Variants in COTL1 observed in about 807,000 individuals in gnomAD.
The protein encoded by COTL1 is coactosin like F-actin binding protein 1.
Under a neutral mutation model 16.5 loss-of-function variants are expected in COTL1, and 15 were observed. That is an observed-to-expected ratio of 0.91 (90% CI 0.61 to 1.40). The LOEUF (loss-of-function observed/expected upper bound fraction) is 1.40, where lower values mean the gene tolerates loss of function less well. Among genes scored for constraint, COTL1 ranks in the 40% most tolerant of loss-of-function variants. The probability of loss-of-function intolerance (pLI) is 0.00; values close to 1 mark genes in which losing one functional copy is unlikely to be tolerated. For synonymous variants in COTL1, 112 were observed against 85.3 expected (o/e 1.31, Z -1.73); for missense variants, 220 against 201.5 (o/e 1.09, Z -0.56).
At chr16:84,570,875 T>A (rs1484921037) in intron 3 of COTL1, among the ~76,000 whole-genome samples, 1 of 152,008 alleles carries the variant, frequency 6.6e-6, no homozygotes, top group East Asian at 1.9e-4. Context: ...CTAAAAGTCC[T>A]GTATTCCTAT....
At chr16:84,575,731 T>A (rs548616880) in intron 3 of COTL1, 2 of 152,246 alleles carry the variant, frequency 1.3e-5, no homozygotes, top group South Asian at 4.2e-4. Context: ...CCAGGCCAAA[T>A]ACAAACAGGC....
intron 2 of COTL1, among the ~76,000 whole-genome samples, chr16:84,603,207 C>G (rs1042515770): frequency 2.0e-5 from 3 of 152,196 alleles, no homozygotes; most frequent in African/African-American, 7.2e-5. Flanking sequence ...TAACAACACT[C>G]CAGCCCGCAA....
chr16:84,584,983 T>C (rs777040087), intron 3 of COTL1, among the ~76,000 whole-genome samples: 14 of 152,068 alleles, frequency 9.2e-5, no homozygotes, highest in Non-Finnish European at 1.6e-4. Flanking sequence ...CTTGGCAAAG[T>C]AAAATAAGGT....
At position 84,617,846 on chromosome 16, in the gene COTL1, G is replaced by T. The variant is rs144159131; in HGVS notation, c.69C>A (p.Ala23=). Residue 23 remains alanine, a synonymous_variant, in exon 1 of 4, where the codon GCC becomes GCA. Transcript: ENST00000262428. The part of the protein sequence containing the change: ...AYNLVRDDGS[A]VIWVTFKYDG... Reference sequence around the variant, plus strand: ...GAATGAAAAGTTCCTACCAGATGACGGCCGAGCCGTCGTCGCGCACCAGGT... The same window carrying T: ...GAATGAAAAGTTCCTACCAGATGACTGCCGAGCCGTCGTCGCGCACCAGGT... 1.7e-5 allele frequency: 26 copies of T among 1,572,790 alleles called. No homozygotes were observed. The highest frequency in any genetic ancestry group is 2.7e-5 in the African/African-American group (2 of 73,966).
intron 3 of COTL1, among the ~76,000 whole-genome samples, chr16:84,574,648 C>T (rs1422189954): frequency 2.0e-5 from 3 of 152,090 alleles, no homozygotes; most frequent in Admixed American, 2.0e-4. Context: ...TGCAATAGTG[C>T]GATCGGCTCA....
intron 2 of COTL1, chr16:84,595,603 C>A (rs1410182835): frequency 6.6e-6 from 1 of 152,222 alleles, no homozygotes; most frequent in Admixed American, 6.5e-5. Context: ...CCCACATCAG[C>A]AGTGGGGAGC....
intron 2 of COTL1, among the ~76,000 whole-genome samples, chr16:84,613,094 G>A (rs1905374651): frequency 6.6e-6 from 1 of 151,052 alleles, no homozygotes; most frequent in African/African-American, 2.4e-5. Flanking sequence ...TCTGCCTCCT[G>A]GGTTCAAGTG....
chr16:84,576,397 A>C (rs894852136), intron 3 of COTL1: 3 of 152,188 alleles, frequency 2.0e-5, no homozygotes, highest in Non-Finnish European at 4.4e-5. Flanking sequence ...AGAGGAACTG[A>C]TCTTCATTGT....
chr16:84,576,682 G>A (rs1049222903), intron 3 of COTL1: 1 of 152,232 alleles, frequency 6.6e-6, no homozygotes, highest in Non-Finnish European at 1.5e-5. Flanking sequence ...GTCATCCAGG[G>A]ATCCTACACC....
At chr16:84,612,431 G>C (rs1025117477) in intron 2 of COTL1, among the ~76,000 whole-genome samples, 1 of 152,172 alleles carries the variant, frequency 6.6e-6, no homozygotes, top group African/African-American at 2.4e-5. Context: ...GTGGGGACGT[G>C]TACTGAAAGC....
intron 2 of COTL1, among the ~76,000 whole-genome samples, chr16:84,591,108 G>GT (rs769535305): frequency 6.6e-6 from 1 of 150,674 alleles, no homozygotes; most frequent in Non-Finnish European, 1.5e-5. Context: ...TTTAAAATTT[G>GT]TTTCACAATC....
intron 2 of COTL1, among the ~76,000 whole-genome samples, chr16:84,593,731 C>A (rs112224291): frequency 0.22 from 32,859 of 151,966 alleles, 3,724 homozygotes; most frequent in Middle Eastern, 0.31. Context: ...GATCTCCTGA[C>A]CTCGTGATCC....
At chr16:84,599,322 G>A (rs1434141612) in intron 2 of COTL1, among the ~76,000 whole-genome samples, 1 of 152,236 alleles carries the variant, frequency 6.6e-6, no homozygotes, top group East Asian at 1.9e-4. Flanking sequence ...CGAGCACTGT[G>A]TAACTTTCTT....
intron 3 of COTL1, chr16:84,576,852 C>A (rs1328976379): frequency 6.6e-6 from 1 of 152,312 alleles, no homozygotes; most frequent in Non-Finnish European, 1.5e-5. Context: ...CAAACCCTCA[C>A]AACACGGTGT....
Position 84,566,812 on chromosome 16 carries a change from C to T in COTL1, c.*33G>A, listed in dbSNP as rs1904300548. The T allele has an allele frequency of 1.3e-6, 2 of 1,490,256 alleles. No homozygotes were observed. The highest frequency in any genetic ancestry group is 1.4e-5 in the African/African-American group (1 of 72,364). The allele number at this position is 1,490,256 out of a possible 1,614,324, so 92.3% of individuals were successfully genotyped here. A position where few individuals can be genotyped will look rare whatever the true frequency, so the allele number is the denominator to read the frequency against. The stretch of plus-strand genomic sequence containing the variant: ...TCTCCCCCGGGGAGCAGGCAGATGA[C>T]TTTGGCAAGGGGTGGTGTGGCGGGG... On this transcript the variant is annotated 3_prime_UTR_variant, in exon 4 of 4. Transcript: ENST00000262428.
At chr16:84,566,978 A>G (rs751333519) in intron 3 of COTL1, 23 bp from the exon 4 acceptor site, 14 of 1,554,314 alleles carry the variant, frequency 9.0e-6, no homozygotes, top group Non-Finnish European at 1.2e-5. Context: ...AGGAAAACAC[A>G]GCGTTCCTAT....
At chr16:84,603,819 C>T (rs1344772156) in intron 2 of COTL1, among the ~76,000 whole-genome samples, 1 of 151,862 alleles carries the variant, frequency 6.6e-6, no homozygotes, top group Admixed American at 6.6e-5. Flanking sequence ...ACAGAAAGGG[C>T]CAAGGCAAAG....
Position 84,566,618 on chromosome 16 carries a change from A to G in COTL1, c.*227T>C. On this transcript the variant is annotated 3_prime_UTR_variant, in exon 4 of 4. Transcript: ENST00000262428. ...GAACAAAAAAGAGGGGGAGAAAAGA[A>G]AAAGAAGATCAAAGAAAGAGGTTCC... is the stretch of plus-strand genomic sequence containing the variant. 1 of 490,470 alleles carries G rather than the reference A, an allele frequency of 2.0e-6. No homozygotes were observed. The highest frequency in any genetic ancestry group is 3.6e-6 in the Non-Finnish European group (1 of 276,444). 30.4% of individuals were successfully genotyped at this position (490,470 alleles called of 1,614,324 possible).
At position 84,617,625 on chromosome 16, in the gene COTL1, G is replaced by T. The variant is rs770527264; in HGVS notation, c.78-42C>A. On this transcript the variant is annotated intron_variant, in intron 1 of 3. Transcript: ENST00000262428. Reference sequence around the variant, plus strand: ...GAAAAAAACACACACACACATCAGCGCTGGTGGCCGCGCGACGCGGCGCTT... The same window carrying T: ...GAAAAAAACACACACACACATCAGCTCTGGTGGCCGCGCGACGCGGCGCTT... The T allele has an allele frequency of 2.6e-6, 4 of 1,530,460 alleles. No individual in the cohort carries two copies. In the South Asian group the frequency reaches 4.8e-5, roughly 18 times the overall value. The allele number at this position is 1,530,460 out of a possible 1,614,324, so 94.8% of individuals were successfully genotyped here.
Sources: allele counts gnomAD v4.1 joint callset (sites outside exome capture counted in the v4.1 genomes callset), GRCh38; gene constraint gnomAD v4.1.1; transcripts MANE v1.5; gene names NCBI Gene and HGNC (gene_info 2026-07-23, HGNC 2026-07-21).